The following EBF3 variants were observed in gnomAD, a reference collection of about 807,000 sequenced individuals.
EBF3 encodes transcription factor COE3.
Under a neutral mutation model 77.1 loss-of-function variants are expected in EBF3, and 18 were observed. The ratio of observed to expected loss-of-function variants is 0.23; its 90% CI spans 0.16 to 0.35. The LOEUF is 0.35. Ranked by LOEUF, EBF3 falls within the 10% of genes least tolerant of loss-of-function variation. EBF3 has a pLI of 1.00. For missense variants in EBF3, 558 were observed against 860.0 expected (o/e 0.65, Z 4.39); for synonymous variants, 350 against 343.5 (o/e 1.02, Z -0.21).
chr10:129,894,293 G>A (rs763950878), intron 6 of EBF3, among the ~76,000 whole-genome samples: 9 of 152,238 alleles, frequency 5.9e-5, no homozygotes, highest in Middle Eastern at 3.4e-3. Context: ...ATTTAATAAT[G>A]CCTTTCAAAA....
intron 6 of EBF3, among the ~76,000 whole-genome samples, chr10:129,936,396 G>C (rs977094827): frequency 6.6e-6 from 1 of 152,252 alleles, no homozygotes; most frequent in African/African-American, 2.4e-5. Context: ...TGAGAGGACA[G>C]AGCACAGGAG....
At chr10:129,950,135 GAC>G in intron 6 of EBF3, among the ~76,000 whole-genome samples, 1 of 152,220 alleles carries the variant, frequency 6.6e-6, no homozygotes, top group African/African-American at 2.4e-5. Flanking sequence ...TTCCAGCAGA[GAC>G]ACGCTGGAGC....
intron 15 of EBF3, 54 bp downstream of exon 15, chr10:129,840,187 CCCAT>C: frequency 8.4e-7 from 1 of 1,189,774 alleles, no homozygotes; most frequent in Non-Finnish European, 1.2e-6. Flanking sequence ...CACCCCCACT[CCCAT>C]CCCCACCCCT....
chr10:129,891,819 G>A (rs553363661), intron 6 of EBF3, among the ~76,000 whole-genome samples: 9 of 152,302 alleles, frequency 5.9e-5, no homozygotes, highest in Admixed American at 2.6e-4. Flanking sequence ...AGTGGCTCAC[G>A]GCGTCTCTGA....
At position 129,952,267 on chromosome 10, in the gene EBF3, T is replaced by C. The variant is rs1161759327; in HGVS notation, c.554+4991A>G. On this transcript the variant is annotated intron_variant, in intron 6 of 16. Transcript: ENST00000440978. This position sits in a 1 kb window ranked among gnomAD's most constrained non-coding sequence, Gnocchi z 4.7. ...AGAAGGAAAAATTAACACCAAACTA[T>C]ACTGTTTTCATTGCATTATGCAGAT... 6.6e-6 allele frequency among the ~76,000 whole-genome samples: 1 copy of C among 152,242 alleles called. No individual in the cohort carries two copies. The highest frequency in any genetic ancestry group is 1.5e-5 in the Non-Finnish European group (1 of 68,048).
intron 11 of EBF3, 83 bp from the exon 12 acceptor site, chr10:129,843,285 G>T: frequency 6.9e-7 from 1 of 1,446,258 alleles, no homozygotes; most frequent in Non-Finnish European, 9.5e-7. Context: ...CCGTCTGCGG[G>T]TGTGGAGACC....
At position 129,958,917 on chromosome 10, in the gene EBF3, C is replaced by G. The variant is rs937475424; in HGVS notation, c.485+17G>C. On this transcript the variant is annotated intron_variant, in intron 5 of 16. Transcript: ENST00000440978. ...CGAGGCAGCCCGCGCCCCCGCCGCC[C>G]GCCGCCCGCCGCTCACCTGCACATG... 2.5e-6 allele frequency: 4 copies of G among 1,583,684 alleles called. No homozygotes were observed. The highest frequency in any genetic ancestry group is 1.7e-4 in the Middle Eastern group (1 of 5,980).
At chr10:129,958,869 T>A in intron 5 of EBF3, 65 bp downstream of exon 5, 1 of 1,530,550 alleles carries the variant, frequency 6.5e-7, no homozygotes, top group South Asian at 1.2e-5. Context: ...GGACGCGGCG[T>A]CCTTTGTAGA....
rs927669280 is a variant in EBF3, at chr10:129,873,441, C to T, written c.781+11G>A. 5 of 1,514,844 alleles carry T rather than the reference C, an allele frequency of 3.3e-6. No individual in the cohort carries two copies. Among genetic ancestry groups the T allele is most frequent in the Admixed American group, 4.6e-5 (2 of 43,838 alleles). 93.8% of individuals were successfully genotyped at this position (1,514,844 alleles called of 1,614,324 possible). A position where few individuals can be genotyped will look rare whatever the true frequency, so the allele number is the denominator to read the frequency against. On this transcript the variant is annotated intron_variant, in intron 8 of 16. Coordinates refer to ENST00000440978, the MANE Select transcript of EBF3 (RefSeq NM_001375380.1). ...ATCGCAAATAAAAAAAGACATGTAA[C>T]ATGTGCCTACCATTTTCCAGATAAG...
At position 129,836,417 on chromosome 10, in the gene EBF3, AG is replaced by A. The variant is rs1849611826; in HGVS notation, c.*1525del. The A allele has an allele frequency of 6.6e-6, 1 of 152,666 alleles. No homozygotes were observed. The highest frequency in any genetic ancestry group is 1.5e-5 in the Non-Finnish European group (1 of 68,038). 9.5% of individuals were successfully genotyped at this position (152,666 alleles called of 1,614,324 possible). A position where few individuals can be genotyped will look rare whatever the true frequency, so the allele number is the denominator to read the frequency against. On this transcript the variant is annotated 3_prime_UTR_variant, in exon 17 of 17. Coordinates refer to ENST00000440978, the MANE Select transcript of EBF3 (RefSeq NM_001375380.1). ...AAAAAATAAAATAAAATAAGGACACAGCCCCAAACGGTGTCACCTCTTCGCG... is the reference window on the plus strand; with the variant it reads ...AAAAAATAAAATAAAATAAGGACACACCCCAAACGGTGTCACCTCTTCGCG...
intron 4 of EBF3, among the ~76,000 whole-genome samples, chr10:129,961,436 C>T (rs61874159): frequency 2.0e-4 from 30 of 152,208 alleles, no homozygotes; most frequent in Non-Finnish European, 3.5e-4. Flanking sequence ...AAAGCAGTGA[C>T]GCACTTTTCT....
chr10:129,858,163 G>A (rs1336791379), intron 10 of EBF3, among the ~76,000 whole-genome samples: 4 of 152,188 alleles, frequency 2.6e-5, no homozygotes, highest in Admixed American at 2.6e-4. Flanking sequence ...CATACCAAAT[G>A]CCAGCTTCCC....
intron 16 of EBF3, among the ~76,000 whole-genome samples, chr10:129,838,691 A>AATCT (rs966174219): frequency 2.6e-5 from 4 of 152,166 alleles, no homozygotes; most frequent in African/African-American, 9.7e-5. Flanking sequence ...TGTAATTTAA[A>AATCT]ATCTTTTACC....
At chr10:129,941,494 C>T (rs1857733038) in intron 6 of EBF3, among the ~76,000 whole-genome samples, 1 of 152,240 alleles carries the variant, frequency 6.6e-6, no homozygotes, top group Admixed American at 6.5e-5. Context: ...GACTAGGCCA[C>T]AGAGGAGAGG....
chr10:129,954,416 C>G (rs564623775), intron 6 of EBF3, among the ~76,000 whole-genome samples: 13 of 147,586 alleles, frequency 8.8e-5, no homozygotes, highest in East Asian at 4.0e-4. Flanking sequence ...CTCACTTCCC[C>G]CCCCCCTTTT....
chr10:129,860,110 T>A (rs891745599), intron 10 of EBF3, among the ~76,000 whole-genome samples: 2 of 152,124 alleles, frequency 1.3e-5, no homozygotes, highest in Admixed American at 6.5e-5. Context: ...ATCACACTTA[T>A]TTTGTTCTAA....
rs1851618168 is a variant in EBF3 at position 129,861,319 on chromosome 10, A to G, written c.1039+5822T>C. Among the ~76,000 whole-genome samples the G allele has an allele frequency of 6.6e-6, 1 of 151,046 alleles. No individual in the cohort carries two copies. The highest frequency in any genetic ancestry group is 1.5e-5 in the Non-Finnish European group (1 of 68,008). On this transcript the variant is annotated intron_variant, in intron 10 of 16. Transcript: ENST00000440978. This position sits in a 1 kb window ranked among gnomAD's most constrained non-coding sequence, Gnocchi z 4.3. ...CTGAGGCACAGATGCACGCCACCCC[A>G]CTTGGTACGAAAAAAAAAGTCACCC...
At chr10:129,838,010 T>C (rs1431965003) in intron 16 of EBF3, 50 bp from the exon 17 acceptor site, 3 of 1,611,298 alleles carry the variant, frequency 1.9e-6, no homozygotes, top group Non-Finnish European at 2.5e-6. Flanking sequence ...CCACGCGCCC[T>C]CCCGCCAACG....
At chr10:129,873,764 G>T (rs1017486635) in intron 7 of EBF3, among the ~76,000 whole-genome samples, 168 bp from the exon 8 acceptor site, 2 of 152,210 alleles carry the variant, frequency 1.3e-5, no homozygotes, top group African/African-American at 4.8e-5. Flanking sequence ...AATGGGGGTG[G>T]GTGGGTTGTT....
Sources: allele counts gnomAD v4.1 joint callset (sites outside exome capture counted in the v4.1 genomes callset), GRCh38; gene constraint gnomAD v4.1.1; non-coding constraint Gnocchi (gnomAD v3.1); transcripts MANE v1.5; gene names NCBI Gene and HGNC (gene_info 2026-07-23, HGNC 2026-07-21).